Variants in CMTM7 observed in about 807,000 individuals in gnomAD.
The protein encoded by CMTM7 is CKLF-like MARVEL transmembrane domain-containing protein 7.
CMTM7 carries 7 observed loss-of-function variants against 19.3 expected under a neutral mutation model. The observed-to-expected ratio is 0.36, with a 90% CI of 0.21 to 0.68. CMTM7 has a LOEUF of 0.68. Among genes scored for constraint, CMTM7 ranks in the 30% least tolerant of loss-of-function variants. CMTM7 has a pLI of 0.60. For missense variants in CMTM7, 193 were observed against 232.6 expected (o/e 0.83, Z 1.11); for synonymous variants, 87 against 99.3 (o/e 0.88, Z 0.74).
intron 1 of CMTM7, among the ~76,000 whole-genome samples, chr3:32,440,070 TACACACACACAC>T (rs10526471): frequency 0.11 from 17,153 of 150,094 alleles, 1,183 homozygotes; most frequent in Non-Finnish European, 0.16. Context: ...ACCACACGCA[TACACACACACAC>T]ACACACACAC....
chr3:32,454,395 C>A lies in CMTM7; in HGVS notation c.*141C>A. 2 of 1,019,872 alleles carry A rather than the reference C, an allele frequency of 2.0e-6. No homozygotes were observed. The highest frequency in any genetic ancestry group is 1.6e-5 in the African/African-American group (1 of 63,026). The allele number at this position is 1,019,872 out of a possible 1,614,324, so 63.2% of individuals were successfully genotyped here. On this transcript the variant is annotated 3_prime_UTR_variant, in exon 5 of 5. Coordinates refer to ENST00000334983, the MANE Select transcript of CMTM7 (RefSeq NM_138410.4). ...AGGAAAGGCCTGCACCCTCTTCCTG[C>A]TCTCCCAGGAAGCCAGCTCCCTGAG...
chr3:32,441,688 T>C (rs1385815293), intron 1 of CMTM7, 152 bp from the exon 2 acceptor site: 1 of 663,720 alleles, frequency 1.5e-6, no homozygotes, highest in East Asian at 2.7e-5. Flanking sequence ...CTTCCAACCT[T>C]CCAGCCAGTG....
intron 1 of CMTM7, among the ~76,000 whole-genome samples, chr3:32,413,615 T>C (rs1017409270): frequency 6.6e-6 from 1 of 152,214 alleles, no homozygotes; most frequent in Non-Finnish European, 1.5e-5. Flanking sequence ...CAACACTAGC[T>C]GCTGTAACAA....
Position 32,442,025 on chromosome 3 carries a change from G to A in CMTM7, c.333+12G>A. The A allele has an allele frequency of 6.2e-7, 1 of 1,613,230 alleles. No homozygotes were observed. Among genetic ancestry groups the A allele is most frequent in the African/African-American group, 1.3e-5 (1 of 75,018 alleles). ...GCTGGCCCCTGTCGGTAAGAGAGTGGTCTGGCCCTGTCCTCCGCATGCACA... is the reference window on the plus strand; with the variant it reads ...GCTGGCCCCTGTCGGTAAGAGAGTGATCTGGCCCTGTCCTCCGCATGCACA... On this transcript the variant is annotated intron_variant, in intron 2 of 4. Coordinates refer to ENST00000334983, the MANE Select transcript of CMTM7 (RefSeq NM_138410.4).
At position 32,454,285 on chromosome 3, in the gene CMTM7, C is replaced by A. The variant is rs756047559; in HGVS notation, c.*31C>A. The A allele has an allele frequency of 1.9e-6, 3 of 1,613,882 alleles. No homozygotes were observed. Among genetic ancestry groups the A allele is most frequent in the Non-Finnish European group, 2.5e-6 (3 of 1,179,814 alleles). ...CCACAACCCCTAGGCCCCTCAGGAG[C>A]TTTGCAGAGAGGAGGACGTGTACTC... is the stretch of plus-strand genomic sequence containing the variant. On this transcript the variant is annotated 3_prime_UTR_variant, in exon 5 of 5. Coordinates refer to ENST00000334983, the MANE Select transcript of CMTM7 (RefSeq NM_138410.4).
chr3:32,443,165 C>T (rs565234606), intron 2 of CMTM7, among the ~76,000 whole-genome samples: 24 of 152,216 alleles, frequency 1.6e-4, no homozygotes, highest in African/African-American at 5.1e-4. Flanking sequence ...GTGACGTGAT[C>T]GCGACTCACT....
At chr3:32,450,885 G>A (rs1016549004) in intron 3 of CMTM7, 1 of 152,186 alleles carries the variant, frequency 6.6e-6, no homozygotes, top group African/African-American at 2.4e-5. Flanking sequence ...ACCAAACCTG[G>A]GCTATGAGGA....
At chr3:32,446,710 A>T (rs1696758810) in intron 2 of CMTM7, among the ~76,000 whole-genome samples, 2 of 152,224 alleles carry the variant, frequency 1.3e-5, no homozygotes, top group East Asian at 3.9e-4. Flanking sequence ...TAGTGGTAAT[A>T]AGTGAGTTCT....
chr3:32,395,750 GT>G (rs1695905698), intron 1 of CMTM7, among the ~76,000 whole-genome samples: 1 of 152,178 alleles, frequency 6.6e-6, no homozygotes, highest in African/African-American at 2.4e-5. Flanking sequence ...AAGTTACCAT[GT>G]GACCCAGCAA....
intron 1 of CMTM7, among the ~76,000 whole-genome samples, chr3:32,429,482 A>G (rs980563862): frequency 3.3e-5 from 5 of 151,580 alleles, no homozygotes; most frequent in South Asian, 2.1e-4. Context: ...TGGTAGAGAC[A>G]GGGTTTCACC....
chr3:32,440,619 A>G (rs1482373716), intron 1 of CMTM7, among the ~76,000 whole-genome samples: 3 of 152,172 alleles, frequency 2.0e-5, no homozygotes, highest in African/African-American at 4.8e-5. Context: ...CTCTACTACA[A>G]ATATGAAAAT....
intron 1 of CMTM7, among the ~76,000 whole-genome samples, chr3:32,414,837 C>T (rs1696235071): frequency 2.6e-5 from 4 of 152,120 alleles, no homozygotes; most frequent in Admixed American, 2.6e-4. Context: ...TGGAAGAGCT[C>T]TCTAAGTGGG....
intron 1 of CMTM7, among the ~76,000 whole-genome samples, chr3:32,397,531 G>C (rs879728924): frequency 2.6e-5 from 4 of 151,640 alleles, no homozygotes; most frequent in Non-Finnish European, 5.9e-5. Flanking sequence ...TCAGGAGATC[G>C]AGACCATCCT....
At chr3:32,428,080 T>C (rs1189049651) in intron 1 of CMTM7, among the ~76,000 whole-genome samples, 3 of 152,180 alleles carry the variant, frequency 2.0e-5, no homozygotes, top group African/African-American at 7.2e-5. Context: ...CGGTCCTTCC[T>C]GTGGAGAGTG....
chr3:32,422,153 C>T (rs1396825031), intron 1 of CMTM7, among the ~76,000 whole-genome samples: 1 of 152,226 alleles, frequency 6.6e-6, no homozygotes, highest in Non-Finnish European at 1.5e-5. Context: ...ACGTTCTCAA[C>T]AATAGTGATT....
chr3:32,432,350 C>T (rs1339567661), intron 1 of CMTM7, among the ~76,000 whole-genome samples: 2 of 152,200 alleles, frequency 1.3e-5, no homozygotes, highest in East Asian at 1.9e-4. Context: ...CCTGCCTCAG[C>T]GAGTGCTTCC....
rs572290420 is a variant in CMTM7, at chr3:32,406,395, A to T, written c.159+14330A>T. Among the ~76,000 whole-genome samples the T allele has an allele frequency of 2.0e-5, 3 of 152,328 alleles. No individual in the cohort carries two copies. In the South Asian group the frequency reaches 6.2e-4, roughly 32 times the overall value. ...GTAGAGGACCTGCACCCAATGTTGCATGCTTTTCAACATTTTTGCATGTGT... is the reference window on the plus strand; with the variant it reads ...GTAGAGGACCTGCACCCAATGTTGCTTGCTTTTCAACATTTTTGCATGTGT... On this transcript the variant is annotated intron_variant, in intron 1 of 4. Coordinates refer to ENST00000334983, the MANE Select transcript of CMTM7 (RefSeq NM_138410.4).
intron 1 of CMTM7, among the ~76,000 whole-genome samples, chr3:32,412,391 G>A (rs746427845): frequency 5.9e-5 from 9 of 151,830 alleles, no homozygotes; most frequent in Non-Finnish European, 1.3e-4. Context: ...GGAGGCTGAG[G>A]CAGGAGAATT....
intron 1 of CMTM7, among the ~76,000 whole-genome samples, chr3:32,399,366 T>G (rs1695968226): frequency 6.6e-6 from 1 of 151,998 alleles, no homozygotes; most frequent in Admixed American, 6.5e-5. Context: ...CAGTGCAATT[T>G]TGACAGTGCA....
Sources: gnomAD v4.1 joint callset for allele counts (sites outside exome capture counted in the v4.1 genomes callset) on GRCh38, gnomAD v4.1.1 for gene constraint, MANE v1.5 for transcripts, NCBI Gene and HGNC (gene_info 2026-07-23, HGNC 2026-07-21) for gene names.